USP25: variants seen among roughly 807,000 people sequenced by gnomAD.
USP25 encodes ubiquitin carboxyl-terminal hydrolase 25.
USP25 carries 85 observed loss-of-function variants against 158.5 expected under a neutral mutation model. That is an observed-to-expected ratio of 0.54 (90% confidence interval 0.45 to 0.64). USP25 has a LOEUF of 0.64. Ranked by LOEUF, USP25 falls within the 30% of genes least tolerant of loss-of-function variation. USP25 has a pLI of 0.00. For synonymous variants in USP25, 464 were observed against 460.4 expected (o/e 1.01, Z -0.10); for missense variants, 1,242 against 1,327.3 (o/e 0.94, Z 1.00).
chr21:15,766,617 TC>T lies in USP25; in HGVS notation c.268+478del, dbSNP rs1238195036. Among the ~76,000 whole-genome samples, 1 of 151,912 alleles carries T rather than the reference TC, an allele frequency of 6.6e-6. No individual in the cohort carries two copies. The highest frequency in any genetic ancestry group is 1.5e-5 in the Non-Finnish European group (1 of 67,930). ...TATTGTGTAATGAAATTGCCTTTCA[TC>T]CAAAAGAAAAAAAGAAAAGAAAACT... On this transcript the variant is annotated intron_variant, in intron 3 of 25. Coordinates refer to ENST00000400183, the MANE Select transcript of USP25 (RefSeq NM_001283041.3). This position sits in a 1 kb window ranked among gnomAD's most constrained non-coding sequence, Gnocchi z 4.0.
At position 15,831,600 on chromosome 21, in the gene USP25, T is replaced by C. The variant is rs2037806190; in HGVS notation, c.1964T>C (p.Ile655Thr). The C allele has an allele frequency of 2.5e-6, 4 of 1,613,844 alleles. No homozygotes were observed. In the East Asian group the frequency reaches 8.9e-5, roughly 36 times the overall value. ...GCCAGTGCATACTGTTTAATGTACA[T>C]AAATGATAAGGCACAGTTCCTAATA... ...RNASAYCLMY[I>T]NDKAQFLIQE... is the part of the protein sequence containing the mutation. Residue 655 changes from isoleucine (I) to threonine (T), a missense_variant, in exon 16 of 26, where the codon ATA becomes ACA. Transcript: ENST00000400183.
intron 6 of USP25, among the ~76,000 whole-genome samples, chr21:15,802,960 A>G (rs1390493677): frequency 6.6e-6 from 1 of 151,668 alleles, no homozygotes; most frequent in Admixed American, 6.6e-5. Flanking sequence ...TAAGGAGTGA[A>G]AAAGGGAAAC....
intron 1 of USP25, among the ~76,000 whole-genome samples, chr21:15,751,518 A>G (rs541249718): frequency 1.3e-5 from 2 of 152,348 alleles, no homozygotes; most frequent in South Asian, 4.1e-4. Context: ...CAGAAACTAG[A>G]GATGCATAAA....
intron 5 of USP25, among the ~76,000 whole-genome samples, chr21:15,794,401 A>AGT: frequency 6.6e-6 from 1 of 151,836 alleles, no homozygotes; most frequent in South Asian, 2.1e-4. Flanking sequence ...CCCCACAGCT[A>AGT]GTCAGGATTA....
chr21:15,809,926 T>C (rs183101038), intron 8 of USP25, among the ~76,000 whole-genome samples: 5 of 152,216 alleles, frequency 3.3e-5, no homozygotes, highest in South Asian at 2.1e-4. Flanking sequence ...AAATCACTTA[T>C]GTGAGGTATC....
chr21:15,761,403 C>T (rs776147151), intron 1 of USP25, among the ~76,000 whole-genome samples: 1 of 152,076 alleles, frequency 6.6e-6, no homozygotes, highest in East Asian at 1.9e-4. Flanking sequence ...TGGTCGCAGC[C>T]GGTGCCAGGG....
intron 7 of USP25, among the ~76,000 whole-genome samples, chr21:15,808,604 C>T (rs1421057417): frequency 6.6e-6 from 1 of 151,054 alleles, no homozygotes; most frequent in Non-Finnish European, 1.5e-5. Context: ...AATTGATTAT[C>T]ATATAATGCT....
Position 15,787,911 on chromosome 21 carries a change from C to CCG in USP25, c.393-3590_393-3589insGC, listed in dbSNP as rs1555835094. On this transcript the variant is annotated intron_variant, in intron 4 of 25. Coordinates refer to ENST00000400183, the MANE Select transcript of USP25 (RefSeq NM_001283041.3). Reference sequence around the variant, plus strand: ...ATAATAACACCCCCTCACCCCCCCCCCAAGTAAAACCACCGTGTAATAAAA... The same window carrying CCG: ...ATAATAACACCCCCTCACCCCCCCCCCGCAAGTAAAACCACCGTGTAATAAAA... 3.4e-5 allele frequency among the ~76,000 whole-genome samples: 5 copies of CCG among 146,056 alleles called. No individual in the cohort carries two copies. In the East Asian group the frequency reaches 1.0e-3, roughly 30 times the overall value.
chr21:15,775,327 A>G (rs1270449029), intron 3 of USP25, among the ~76,000 whole-genome samples: 1 of 152,200 alleles, frequency 6.6e-6, no homozygotes, highest in African/African-American at 2.4e-5. Flanking sequence ...GAAATTTTCA[A>G]ATAAGGAATT....
chr21:15,783,564 A>G (rs927192015), intron 4 of USP25, among the ~76,000 whole-genome samples: 4 of 152,168 alleles, frequency 2.6e-5, no homozygotes, highest in African/African-American at 9.7e-5. Flanking sequence ...GACAGGAGAG[A>G]GTGGGATGAC....
intron 20 of USP25, among the ~76,000 whole-genome samples, chr21:15,851,634 C>T (rs1439916151): frequency 6.6e-6 from 1 of 151,922 alleles, no homozygotes; most frequent in Non-Finnish European, 1.5e-5. Flanking sequence ...TTCTGTTTTT[C>T]CCTTAACTTT....
In USP25 at chr21:15,842,493, G is replaced by T; in HGVS notation, c.2290G>T (p.Ala764Ser). ...AGAAACTATTCAAATAATTACCAAG[G>T]CATCACATGAGCATGAAGATAAAAG... ...KEETIQIITK[A>S]SHEHEDKSPE... The change falls in exon 18 of 26, where the codon GCA (alanine) becomes TCA (serine). Residue 764 changes from alanine to serine, a missense_variant. By Grantham distance (99) the Ala-to-Ser change is moderately conservative (BLOSUM62 1). Around this residue, in one of 3 missense-constraint regions of USP25, gnomAD observed 608 missense variants for 605.2 expected, o/e 1.00. Transcript: ENST00000400183. The T allele has an allele frequency of 6.2e-7, 1 of 1,613,678 alleles. No homozygotes were observed. The highest frequency in any genetic ancestry group is 1.7e-4 in the Middle Eastern group (1 of 6,058).
chr21:15,857,625 A>G (rs1214996898), intron 20 of USP25, among the ~76,000 whole-genome samples: 3 of 152,078 alleles, frequency 2.0e-5, no homozygotes, highest in Non-Finnish European at 4.4e-5. Context: ...TGATCTTCTA[A>G]GACAATTGAT....
chr21:15,730,581 C>G, intron 1 of USP25, 143 bp downstream of exon 1: 2 of 1,019,744 alleles, frequency 2.0e-6, no homozygotes, highest in Admixed American at 4.8e-5. Context: ...CCCATCGCCT[C>G]GGGGGCGTCG....
At chr21:15,863,807 C>T (rs920372410) in intron 20 of USP25, among the ~76,000 whole-genome samples, 6 of 151,466 alleles carry the variant, frequency 4.0e-5, no homozygotes, top group Non-Finnish European at 8.8e-5. Context: ...GAGGCCAAGG[C>T]GGGCGGATTA....
intron 3 of USP25, among the ~76,000 whole-genome samples, chr21:15,777,647 G>A (rs2034734643): frequency 6.6e-6 from 1 of 152,094 alleles, no homozygotes; most frequent in African/African-American, 2.4e-5. Flanking sequence ...AGACCTCATA[G>A]TAAATACAGA....
chr21:15,730,860 C>G (rs1275669359), intron 1 of USP25, among the ~76,000 whole-genome samples: 2 of 152,070 alleles, frequency 1.3e-5, no homozygotes, highest in Non-Finnish European at 2.9e-5. Flanking sequence ...CGGTCTCCAC[C>G]AAAATCGAAT....
intron 4 of USP25, among the ~76,000 whole-genome samples, chr21:15,780,382 T>C (rs1002766945): frequency 1.3e-5 from 2 of 152,228 alleles, no homozygotes; most frequent in African/African-American, 2.4e-5. Flanking sequence ...TGGGTGTATT[T>C]ATTATCTCTT....
At chr21:15,876,667 C>T (rs2040109596) in intron 24 of USP25, 1 of 152,242 alleles carries the variant, frequency 6.6e-6, no homozygotes. Flanking sequence ...ATCTGATCAC[C>T]TCCCACCAGG....
Sources: gnomAD v4.1 joint callset for allele counts (sites outside exome capture counted in the v4.1 genomes callset) on GRCh38, gnomAD v4.1.1 for gene constraint, gnomAD v4.1.1 regional missense constraint, Gnocchi (gnomAD v3.1) non-coding constraint, MANE v1.5 for transcripts, NCBI Gene and HGNC (gene_info 2026-07-23, HGNC 2026-07-21) for gene names.